VAT1L: variants seen among roughly 807,000 people sequenced by gnomAD.
VAT1L encodes putative NADPH-dependent quinone oxidoreductase VAT1L.
Under a neutral mutation model 44.1 loss-of-function variants are expected in VAT1L, and 34 were observed. The ratio of observed to expected loss-of-function variants is 0.77; its 90% confidence interval spans 0.59 to 1.03. The LOEUF is 1.03. Ranked by LOEUF, VAT1L falls within the 50% of genes least tolerant of loss-of-function variation. The probability of loss-of-function intolerance (pLI) is 0.00; values close to 1 mark genes in which losing one functional copy is unlikely to be tolerated. For synonymous variants in VAT1L, 253 were observed against 202.2 expected, an observed-to-expected ratio of 1.25 and a Z score of -2.13; for missense variants, 615 against 538.8, an observed-to-expected ratio of 1.14 and a Z score of -1.40.
At chr16:77,902,642 A>ATCAG (rs759200113) in intron 7 of VAT1L, among the ~76,000 whole-genome samples, 1 of 150,798 alleles carries the variant, frequency 6.6e-6, no homozygotes, top group Non-Finnish European at 1.5e-5. Context: ...AAGAAAATAG[A>ATCAG]TCAATCAATC....
chr16:77,831,792 G>GT (rs1272713990), intron 3 of VAT1L, among the ~76,000 whole-genome samples: 2 of 150,704 alleles, frequency 1.3e-5, no homozygotes, highest in African/African-American at 4.8e-5. Context: ...CCAGTGGTTT[G>GT]TTTTGTGTTT....
chr16:77,972,078 C>T lies in VAT1L; in HGVS notation c.1161+145C>T, dbSNP rs970513578. On this transcript the variant is annotated intron_variant, in intron 8 of 8. Coordinates refer to ENST00000302536, the MANE Select transcript of VAT1L (RefSeq NM_020927.3). ...CCAGGGGTAATCAAATGATGTCATA[C>T]ATGAGGGATTCATGACAAACTGAGA... 11 of 690,856 alleles carry T rather than the reference C, an allele frequency of 1.6e-5. No homozygotes were observed. The African/African-American group carries it at 2.0e-4, about 12-fold the overall frequency. The allele number at this position is 690,856 out of a possible 1,614,324, so 42.8% of individuals were successfully genotyped here. A position where few individuals can be genotyped will look rare whatever the true frequency, so the allele number is the denominator to read the frequency against.
chr16:77,809,120 T>C (rs1342679481), intron 1 of VAT1L, among the ~76,000 whole-genome samples: 1 of 152,226 alleles, frequency 6.6e-6, no homozygotes, highest in African/African-American at 2.4e-5. Context: ...TCACTTGCTT[T>C]CGCAAGTAAT....
At position 77,884,210 on chromosome 16, in the gene VAT1L, G is replaced by T. The variant is rs971321940; in HGVS notation, c.883-398G>T. On this transcript the variant is annotated intron_variant, in intron 6 of 8. Coordinates refer to ENST00000302536, the MANE Select transcript of VAT1L (RefSeq NM_020927.3). This position sits in a 1 kb window ranked among gnomAD's most constrained non-coding sequence, Gnocchi z 4.5. ...ACTGTCCAAGGCGGGTGGATCACGA[G>T]GTCAGGAGTTCAAGACCAGCCTGGC... 2.6e-5 allele frequency among the ~76,000 whole-genome samples: 4 copies of T among 152,000 alleles called. No individual in the cohort carries two copies. Among genetic ancestry groups the T allele is most frequent in the Non-Finnish European group, 5.9e-5 (4 of 68,014 alleles).
At chr16:77,911,696 C>A (rs909232685) in intron 7 of VAT1L, among the ~76,000 whole-genome samples, 1 of 152,110 alleles carries the variant, frequency 6.6e-6, no homozygotes, top group Non-Finnish European at 1.5e-5. Flanking sequence ...GGAGCTTGCA[C>A]GTGCAGACTC....
intron 7 of VAT1L, among the ~76,000 whole-genome samples, chr16:77,932,473 T>C (rs901970573): frequency 2.6e-5 from 4 of 152,206 alleles, no homozygotes; most frequent in Admixed American, 6.5e-5. Flanking sequence ...GCAGGACTTC[T>C]TGTTGACAGA....
At chr16:77,942,720 TTTGTTGTTG>T (rs569987007) in intron 7 of VAT1L, among the ~76,000 whole-genome samples, 1 of 152,066 alleles carries the variant, frequency 6.6e-6, no homozygotes, top group East Asian at 1.9e-4. Flanking sequence ...CACCCTGTTT[TTTGTTGTTG>T]TTGTTGTTTT....
At chr16:77,836,777 T>C (rs929189613) in intron 3 of VAT1L, among the ~76,000 whole-genome samples, 7 of 152,250 alleles carry the variant, frequency 4.6e-5, no homozygotes, top group Non-Finnish European at 1.0e-4. Context: ...TTTTATCTCC[T>C]TGACCGTAAA....
At chr16:77,953,238 A>G (rs1046929834) in intron 7 of VAT1L, among the ~76,000 whole-genome samples, 3 of 152,312 alleles carry the variant, frequency 2.0e-5, no homozygotes, top group South Asian at 4.1e-4. Context: ...TTTGGATTTC[A>G]GACTAAGCCT....
intron 3 of VAT1L, among the ~76,000 whole-genome samples, chr16:77,845,493 G>A (rs773881493): frequency 2.0e-5 from 3 of 152,098 alleles, no homozygotes; most frequent in Non-Finnish European, 2.9e-5. Flanking sequence ...ACCCTAACTC[G>A]TTCATCTGAC....
At chr16:77,965,465 G>C (rs565648653) in intron 7 of VAT1L, among the ~76,000 whole-genome samples, 1 of 152,198 alleles carries the variant, frequency 6.6e-6, no homozygotes, top group Non-Finnish European at 1.5e-5. Context: ...TTTGAGCTTA[G>C]AATGTTGGCA....
intron 7 of VAT1L, among the ~76,000 whole-genome samples, chr16:77,908,172 G>T (rs1275134263): frequency 6.6e-6 from 1 of 151,622 alleles, no homozygotes. Context: ...CCGGGAGGTG[G>T]AGCTTGCAGT....
At chr16:77,866,850 C>A (rs945763666) in intron 4 of VAT1L, among the ~76,000 whole-genome samples, 1 of 152,002 alleles carries the variant, frequency 6.6e-6, no homozygotes, top group African/African-American at 2.4e-5. Flanking sequence ...GTTGTGTGTA[C>A]CTAACTGCAA....
chr16:77,958,860 C>A (rs958949987), intron 7 of VAT1L, among the ~76,000 whole-genome samples: 8 of 152,268 alleles, frequency 5.3e-5, no homozygotes, highest in Admixed American at 1.3e-4. Context: ...GCCAGTGTTC[C>A]TACTAATAGC....
At chr16:77,821,436 G>A (rs1197971407) in intron 2 of VAT1L, among the ~76,000 whole-genome samples, 5 of 151,948 alleles carry the variant, frequency 3.3e-5, no homozygotes, top group African/African-American at 9.7e-5. Context: ...AAGTAGCTGA[G>A]ATTACAGCCA....
intron 3 of VAT1L, among the ~76,000 whole-genome samples, chr16:77,853,855 ATG>A (rs2016830705): frequency 6.6e-6 from 1 of 152,130 alleles, no homozygotes; most frequent in Non-Finnish European, 1.5e-5. Flanking sequence ...TTAAAAAAAA[ATG>A]AGGCCGGGCG....
chr16:77,942,988 G>T (rs528754098), intron 7 of VAT1L, among the ~76,000 whole-genome samples: 16 of 150,830 alleles, frequency 1.1e-4, no homozygotes, highest in Non-Finnish European at 2.2e-4. Context: ...CAGGTGATCT[G>T]CCCGCCTCGG....
At chr16:77,920,967 T>TACAC (rs925929098) in intron 7 of VAT1L, among the ~76,000 whole-genome samples, 1 of 149,942 alleles carries the variant, frequency 6.7e-6, no homozygotes, top group Non-Finnish European at 1.5e-5. Flanking sequence ...TGTGCATATA[T>TACAC]ACACACACAC....
At chr16:77,908,831 G>T (rs552132572) in intron 7 of VAT1L, among the ~76,000 whole-genome samples, 3 of 151,760 alleles carry the variant, frequency 2.0e-5, no homozygotes, top group Admixed American at 1.3e-4. Context: ...GGAGCACGGC[G>T]TGAACCCGGG....
Sources: allele counts gnomAD v4.1 joint callset (sites outside exome capture counted in the v4.1 genomes callset), GRCh38; gene constraint gnomAD v4.1.1; non-coding constraint Gnocchi (gnomAD v3.1); transcripts MANE v1.5; gene names NCBI Gene and HGNC (gene_info 2026-07-23, HGNC 2026-07-21).